Variants in ZNF385D observed in about 807,000 individuals in gnomAD.
The protein encoded by ZNF385D is zinc finger protein 385D, also known as zinc finger protein 659.
In ZNF385D, 15 loss-of-function variants were observed where a neutral mutation model predicts 35.8. That is an observed-to-expected ratio of 0.42 (90% CI 0.28 to 0.64). The LOEUF (loss-of-function observed/expected upper bound fraction) is 0.64. Among genes scored for constraint, ZNF385D ranks in the 30% least tolerant of loss-of-function variants. ZNF385D has a pLI of 0.23. For missense variants in ZNF385D, 474 were observed against 494.6 expected (o/e 0.96, Z 0.39); for synonymous variants, 212 against 186.8 (o/e 1.13, Z -1.10).
chr3:21,994,056 C>T (rs1277405962), intron 3 of ZNF385D, among the ~76,000 whole-genome samples: 1 of 152,286 alleles, frequency 6.6e-6, no homozygotes, highest in Middle Eastern at 3.4e-3. Flanking sequence ...TAAGCCCAAA[C>T]CTACACAAAG....
At chr3:22,335,989 C>T (rs899648597) in intron 2 of ZNF385D, among the ~76,000 whole-genome samples, 6 of 151,938 alleles carry the variant, frequency 3.9e-5, no homozygotes, top group Admixed American at 1.3e-4. Context: ...TACATGTACT[C>T]AGTATTCAGA....
intron 2 of ZNF385D, among the ~76,000 whole-genome samples, chr3:21,592,439 A>G (rs1040768024): frequency 1.3e-5 from 2 of 151,762 alleles, no homozygotes; most frequent in Admixed American, 6.6e-5. Context: ...ACAGATGGCA[A>G]TATATTGATG....
intron 2 of ZNF385D, among the ~76,000 whole-genome samples, chr3:22,213,631 C>G (rs1286789309): frequency 6.6e-6 from 1 of 151,978 alleles, no homozygotes; most frequent in Non-Finnish European, 1.5e-5. Flanking sequence ...TTAACTATAA[C>G]ACAAGTTAAA....
chr3:22,346,510 T>C (rs764370763), intron 2 of ZNF385D, among the ~76,000 whole-genome samples: 79 of 152,204 alleles, frequency 5.2e-4, no homozygotes, highest in Non-Finnish European at 3.4e-4. Context: ...AACTTACGAG[T>C]TTACAAATTA....
chr3:22,142,733 C>G, intron 3 of ZNF385D, among the ~76,000 whole-genome samples: 1 of 152,034 alleles, frequency 6.6e-6, no homozygotes, highest in East Asian at 1.9e-4. Context: ...AGGTTACTAA[C>G]CTTGTGGAGT....
At chr3:22,063,397 CAG>C (rs1453810957) in intron 3 of ZNF385D, among the ~76,000 whole-genome samples, 2 of 151,618 alleles carry the variant, frequency 1.3e-5, no homozygotes, top group Non-Finnish European at 2.9e-5. Flanking sequence ...CTCAGAGTTA[CAG>C]AGAGCCTAGT....
chr3:22,158,671 C>T (rs539564840), intron 3 of ZNF385D, among the ~76,000 whole-genome samples: 2 of 149,252 alleles, frequency 1.3e-5, no homozygotes, highest in Admixed American at 6.7e-5. Flanking sequence ...ATCTTACACA[C>T]ACACACATAC....
rs59171877 is a variant in ZNF385D at position 22,011,610 on chromosome 3, C to A, written c.325+157207G>T. On this transcript the variant is annotated intron_variant, in intron 3 of 5. Coordinates refer to the ZNF385D transcript ENST00000494108. ...GATTATCTGAAGAAAATTTTGTAATCTAAATAATAGTAAATTAGGAAAGTT... is the reference window on the plus strand; with the variant it reads ...GATTATCTGAAGAAAATTTTGTAATATAAATAATAGTAAATTAGGAAAGTT... Among the ~76,000 whole-genome samples, 383 of 151,980 alleles carry A rather than the reference C, an allele frequency of 2.5e-3. 1 individual carries two copies. Among genetic ancestry groups the A allele is most frequent in the African/African-American group, 8.8e-3 (365 of 41,476 alleles).
At chr3:21,889,938 T>C (rs259531) in intron 3 of ZNF385D, among the ~76,000 whole-genome samples, 89,976 of 151,814 alleles carry the variant, frequency 0.59, 27,113 homozygotes, top group South Asian at 0.7. Context: ...ATAGCATCTC[T>C]GTGTGTGCCT....
At chr3:22,007,615 T>C (rs1696293145) in intron 3 of ZNF385D, among the ~76,000 whole-genome samples, 1 of 152,186 alleles carries the variant, frequency 6.6e-6, no homozygotes, top group African/African-American at 2.4e-5. Flanking sequence ...TGTATGAAAG[T>C]AGGTATTTCG....
chr3:21,780,895 A>G (rs1020454148), intron 3 of ZNF385D, among the ~76,000 whole-genome samples: 14 of 152,094 alleles, frequency 9.2e-5, no homozygotes, highest in African/African-American at 3.4e-4. Context: ...GACATTTAGT[A>G]GCGCCAGCCA....
chr3:21,724,357 A>T (rs71310273), intron 1 of ZNF385D, among the ~76,000 whole-genome samples: 21,071 of 151,674 alleles, frequency 0.14, 1,915 homozygotes, highest in South Asian at 0.25. Context: ...ACACAATGGC[A>T]CATTGCATAG....
intron 3 of ZNF385D, among the ~76,000 whole-genome samples, chr3:21,925,756 T>C (rs532342581): frequency 8.6e-5 from 13 of 152,014 alleles, no homozygotes; most frequent in Non-Finnish European, 1.8e-4. Flanking sequence ...GAATATATAG[T>C]CCAATGAACT....
intron 2 of ZNF385D, among the ~76,000 whole-genome samples, chr3:22,328,472 TA>T (rs1316774031): frequency 3.3e-5 from 5 of 151,940 alleles, no homozygotes; most frequent in African/African-American, 9.7e-5. Context: ...TATTTTAAAA[TA>T]AAAAAAACTG....
intron 3 of ZNF385D, among the ~76,000 whole-genome samples, chr3:21,970,116 T>C (rs1703155441): frequency 6.6e-6 from 1 of 152,112 alleles, no homozygotes; most frequent in Non-Finnish European, 1.5e-5. Context: ...ACAAACAAGC[T>C]GAACTATGAA....
At chr3:21,977,144 CTAAT>C (rs1703679733) in intron 3 of ZNF385D, among the ~76,000 whole-genome samples, 1 of 152,110 alleles carries the variant, frequency 6.6e-6, no homozygotes, top group Non-Finnish European at 1.5e-5. Flanking sequence ...ATCTATGACT[CTAAT>C]TAGAGGAAGA....
chr3:21,653,838 T>C (rs897564213), intron 2 of ZNF385D, among the ~76,000 whole-genome samples: 2 of 152,056 alleles, frequency 1.3e-5, no homozygotes, highest in African/African-American at 4.8e-5. Context: ...AAATTCTATA[T>C]ATGTTAGAAA....
intron 3 of ZNF385D, among the ~76,000 whole-genome samples, chr3:22,130,078 C>A (rs533140472): frequency 1.3e-5 from 2 of 152,218 alleles, no homozygotes; most frequent in Admixed American, 6.5e-5. Flanking sequence ...CCATTGGAAT[C>A]CTTTGTGGCC....
chr3:21,703,323 G>C (rs1215236035), intron 1 of ZNF385D, among the ~76,000 whole-genome samples: 1 of 152,142 alleles, frequency 6.6e-6, no homozygotes, highest in East Asian at 1.9e-4. Flanking sequence ...GCATGAGAAA[G>C]AACAGCCCCC....
Sources: allele counts gnomAD v4.1 joint callset (sites outside exome capture counted in the v4.1 genomes callset), GRCh38; gene constraint gnomAD v4.1.1; transcripts MANE v1.5; gene names NCBI Gene and HGNC (gene_info 2026-07-23, HGNC 2026-07-21).